The following KDM3A variants were observed in gnomAD, a reference collection of about 807,000 sequenced individuals.
The protein encoded by KDM3A is lysine-specific demethylase 3A.
In KDM3A, 60 loss-of-function variants were observed where a neutral mutation model predicts 158.0. The observed-to-expected ratio is 0.38, with a 90% CI of 0.31 to 0.47. KDM3A has a LOEUF of 0.47. Ranked by LOEUF, KDM3A falls within the 20% of genes least tolerant of loss-of-function variation. The pLI is 0.99. For synonymous variants in KDM3A, 608 were observed against 549.3 expected (o/e 1.11, Z -1.49); for missense variants, 1,319 against 1,574.3 (o/e 0.84, Z 2.74).
intron 4 of KDM3A, among the ~76,000 whole-genome samples, chr2:86,453,821 A>G (rs1348230786): frequency 1.3e-5 from 2 of 152,196 alleles, no homozygotes; most frequent in Non-Finnish European, 2.9e-5. Context: ...TATCCTTCCC[A>G]GTGGGAAAAA....
intron 23 of KDM3A, 130 bp from the exon 24 acceptor site, chr2:86,490,751 C>A (rs914545385): frequency 1.6e-6 from 1 of 615,758 alleles, no homozygotes; most frequent in Non-Finnish European, 2.8e-6. Context: ...TAGTCGTCTT[C>A]TGCCAATGGG....
chr2:86,449,296 G>A (rs1683067798), intron 2 of KDM3A, among the ~76,000 whole-genome samples: 2 of 152,218 alleles, frequency 1.3e-5, no homozygotes, highest in African/African-American at 4.8e-5. Context: ...AAGGGATATT[G>A]AAGATGTGCT....
chr2:86,480,994 G>A (rs899098662), intron 16 of KDM3A, among the ~76,000 whole-genome samples: 9 of 152,086 alleles, frequency 5.9e-5, no homozygotes, highest in Non-Finnish European at 1.0e-4. Context: ...CATTTGAGCC[G>A]AAGTAAGACA....
Position 86,455,314 on chromosome 2 carries a change from C to T in KDM3A, c.556+127C>T, listed in dbSNP as rs1184698176. ...TTTTTCTTTTTTTTTTTTTTTGAGA[C>T]AGTCTAGTTCCTAGGCTGGAGTGCC... On this transcript the variant is annotated intron_variant, in intron 5 of 25. Coordinates refer to ENST00000312912, the MANE Select transcript of KDM3A (RefSeq NM_018433.6). The T allele has an allele frequency of 5.1e-6, 3 of 585,328 alleles. 1 individual carries two copies. Among genetic ancestry groups the T allele is most frequent in the South Asian group, 4.4e-5 (2 of 45,750 alleles). The allele number at this position is 585,328 out of a possible 1,614,324, so 36.3% of individuals were successfully genotyped here. A position where few individuals can be genotyped will look rare whatever the true frequency, so the allele number is the denominator to read the frequency against.
chr2:86,473,222 G>A (rs1359991342), intron 11 of KDM3A, among the ~76,000 whole-genome samples: 3 of 152,200 alleles, frequency 2.0e-5, no homozygotes, highest in African/African-American at 4.8e-5. Context: ...GCATTGGCAC[G>A]ATCATAGCTC....
chr2:86,471,221 ATG>A (rs949487815), intron 11 of KDM3A, among the ~76,000 whole-genome samples: 1 of 151,440 alleles, frequency 6.6e-6, no homozygotes, highest in Non-Finnish European at 1.5e-5. Flanking sequence ...ATATATATAT[ATG>A]TGTGTGTGTG....
chr2:86,484,091 T>C lies in KDM3A; in HGVS notation c.3027T>C (p.Cys1009=), dbSNP rs769222505. The change falls in exon 19 of 26, where the codon TGT becomes TGC. Residue 1009 remains cysteine (C), a synonymous_variant. Coordinates refer to ENST00000312912, the MANE Select transcript of KDM3A (RefSeq NM_018433.6). ...FGEQEVDLVN[C]RTNEIITGAT... ...AGCAGGAAGTAGACCTAGTTAATTG[T>C]AGGACCAATGAAATCATCACAGGAG... The C allele has an allele frequency of 4.3e-6, 7 of 1,613,868 alleles. No individual in the cohort carries two copies. In the African/African-American group the frequency reaches 8.0e-5, roughly 18 times the overall value.
rs774326483 is a variant in KDM3A, at chr2:86,464,140, A to G, written c.931A>G (p.Ser311Gly). 1 of 1,612,982 alleles carries G rather than the reference A, an allele frequency of 6.2e-7. No individual in the cohort carries two copies. The highest frequency in any genetic ancestry group is 8.5e-7 in the Non-Finnish European group (1 of 1,179,278). Residue 311 changes from serine to glycine, a missense_variant, in exon 9 of 26, where the codon AGT becomes GGT. By Grantham distance (56) the Ser-to-Gly change is moderately conservative. Coordinates refer to ENST00000312912, the MANE Select transcript of KDM3A (RefSeq NM_018433.6). ...TGGCTGTACTGCGGCAACTCCACCT[A>G]GTAAGGACCCAAGACAGCAAAGTAC... ...LLGCTAATPP[S>G]KDPRQQSTPQ...
intron 11 of KDM3A, 100 bp from the exon 12 acceptor site, chr2:86,474,676 A>AG: frequency 1.3e-6 from 1 of 743,794 alleles, no homozygotes; most frequent in South Asian, 1.8e-5. Flanking sequence ...AAAAAAAAAA[A>AG]AAGTAATTAC....
At chr2:86,438,995 CTT>C (rs1390348920), upstream of KDM3A, among the ~76,000 whole-genome samples, 2 of 151,960 alleles carry the variant, frequency 1.3e-5, no homozygotes, top group Non-Finnish European at 2.9e-5. Flanking sequence ...CTGGAGTACA[CTT>C]AGGTTATTTG....
In KDM3A at chr2:86,466,487, A is replaced by T; in HGVS notation, c.1123A>T (p.Ile375Phe). 1 of 1,613,974 alleles carries T rather than the reference A, an allele frequency of 6.2e-7. No homozygotes were observed. The highest frequency in any genetic ancestry group is 8.5e-7 in the Non-Finnish European group (1 of 1,179,858). ...AGGGTTGCTCTCAAAGTCCTCTCAG[A>T]TTGGAACTGGAGACTTGAAAATTCT... Reference protein sequence around the residue: ...KAGLLSKSSQIGTGDLKILTE... With the variant: ...KAGLLSKSSQFGTGDLKILTE... The change falls in exon 10 of 26, where the codon ATT (isoleucine) becomes TTT (phenylalanine). Residue 375 changes from isoleucine to phenylalanine, a missense_variant. Transcript: ENST00000312912.
Position 86,470,216 on chromosome 2 carries a change from A to G in KDM3A, c.1532A>G (p.Lys511Arg). ...TTTGTTTTCCTAGCCCCATCCAGGAAGTCGGTTTTGACAGACCCAGCTAAA... is the reference window on the plus strand; with the variant it reads ...TTTGTTTTCCTAGCCCCATCCAGGAGGTCGGTTTTGACAGACCCAGCTAAA... ...NNKIQNAPSR[K>R]SVLTDPAKLK... is the part of the protein sequence containing the mutation. Residue 511 changes from lysine to arginine, a missense_variant, in exon 11 of 26, where the codon AAG becomes AGG. By Grantham distance (26) the Lys-to-Arg change is conservative. Around this residue, in one of 4 missense-constraint regions of KDM3A, gnomAD observed 652 missense variants for 627.2 expected, o/e 1.04. Transcript: ENST00000312912. 5 of 1,614,048 alleles carry G rather than the reference A, an allele frequency of 3.1e-6. No individual in the cohort carries two copies. The highest frequency in any genetic ancestry group is 4.2e-6 in the Non-Finnish European group (5 of 1,179,972).
At chr2:86,474,701 T>TTGTGTGTA (rs1553396795) in intron 11 of KDM3A, 75 bp from the exon 12 acceptor site, 3 of 399,898 alleles carry the variant, frequency 7.5e-6, no homozygotes, top group African/African-American at 7.2e-5. Flanking sequence ...TGTAAATAAG[T>TTGTGTGTA]TGTGTGTGTG....
chr2:86,469,177 G>T (rs1673290625), intron 10 of KDM3A, among the ~76,000 whole-genome samples: 1 of 152,168 alleles, frequency 6.6e-6, no homozygotes. Context: ...CTTTAAAAGA[G>T]AGGTAAGATT....
chr2:86,458,955 G>T (rs994927335), intron 8 of KDM3A, among the ~76,000 whole-genome samples: 5 of 152,018 alleles, frequency 3.3e-5, no homozygotes, highest in Non-Finnish European at 7.4e-5. Flanking sequence ...GAGGTGAGGC[G>T]GTAGCTAAGG....
intron 10 of KDM3A, among the ~76,000 whole-genome samples, chr2:86,468,440 TTCTAG>T (rs1673255611): frequency 6.6e-6 from 1 of 152,222 alleles, no homozygotes; most frequent in Non-Finnish European, 1.5e-5. Context: ...ACAGTAAAGA[TTCTAG>T]TGCAATAAGC....
At chr2:86,490,712 G>T (rs937905190) in intron 23 of KDM3A, 169 bp from the exon 24 acceptor site, 5 of 543,644 alleles carry the variant, frequency 9.2e-6, no homozygotes, top group Non-Finnish European at 1.6e-5. Context: ...TCTTCTGTTG[G>T]TTCATTCAGC....
In KDM3A at chr2:86,442,403, G is replaced by C. The variant is rs1358751646; in HGVS notation, c.186+170G>C. ...GTCTTTGGAATGGTTGTATAGAGCC[G>C]AGTTGTGTTTGGCCCACAGCTCCTG... On this transcript the variant is annotated intron_variant, in intron 2 of 25. Coordinates refer to ENST00000312912, the MANE Select transcript of KDM3A (RefSeq NM_018433.6). 8 of 650,818 alleles carry C rather than the reference G, an allele frequency of 1.2e-5. No homozygotes were observed. In the East Asian group the frequency reaches 2.3e-4, roughly 19 times the overall value. 40.3% of individuals were successfully genotyped at this position (650,818 alleles called of 1,614,324 possible). A position where few individuals can be genotyped will look rare whatever the true frequency, so the allele number is the denominator to read the frequency against.
chr2:86,461,791 A>C (rs1447199109), intron 8 of KDM3A, among the ~76,000 whole-genome samples: 1 of 152,206 alleles, frequency 6.6e-6, no homozygotes, highest in Non-Finnish European at 1.5e-5. Context: ...GTAGCCAGAG[A>C]GATAACAAGT....
Sources: allele counts gnomAD v4.1 joint callset (sites outside exome capture counted in the v4.1 genomes callset), GRCh38; gene constraint gnomAD v4.1.1; regional missense constraint gnomAD v4.1.1; transcripts MANE v1.5; gene names NCBI Gene and HGNC (gene_info 2026-07-23, HGNC 2026-07-21).